ZHX3: variants seen among roughly 807,000 people sequenced by gnomAD.
ZHX3 encodes zinc fingers and homeoboxes 3.
A neutral mutation model predicts 64.5 loss-of-function variants in ZHX3; 20 were observed. That is an observed-to-expected ratio of 0.31 (90% CI 0.22 to 0.45). The LOEUF (loss-of-function observed/expected upper bound fraction) is 0.45, where lower values mean the gene tolerates loss of function less well. Among genes scored for constraint, ZHX3 ranks in the 20% least tolerant of loss-of-function variants. The pLI is 1.00. For synonymous variants in ZHX3, 423 were observed against 461.6 expected, an observed-to-expected ratio of 0.92 and a Z score of 1.07; for missense variants, 1,041 against 1,195.8, an observed-to-expected ratio of 0.87 and a Z score of 1.91.
chr20:41,206,895 G>A (rs1007029900), intron 2 of ZHX3, among the ~76,000 whole-genome samples: 2 of 152,328 alleles, frequency 1.3e-5, no homozygotes, highest in South Asian at 4.1e-4. Context: ...AGGGCAGCCA[G>A]AGAGAAAGGT....
intron 1 of ZHX3, among the ~76,000 whole-genome samples, chr20:41,292,013 TAAAAAAA>T (rs61168786): frequency 6.3e-5 from 6 of 94,722 alleles, no homozygotes; most frequent in Non-Finnish European, 8.0e-5. Flanking sequence ...ACCTCATCTT[TAAAAAAA>T]AAAAAAAAAA....
intron 1 of ZHX3, among the ~76,000 whole-genome samples, chr20:41,309,615 T>A (rs977445385): frequency 6.6e-6 from 1 of 152,204 alleles, no homozygotes; most frequent in African/African-American, 2.4e-5. Context: ...TGGCAACCAA[T>A]AAACCTTCCA....
chr20:41,250,126 T>C (rs1286820586), intron 2 of ZHX3, among the ~76,000 whole-genome samples: 1 of 152,076 alleles, frequency 6.6e-6, no homozygotes, highest in East Asian at 1.9e-4. Context: ...TCTACCTAGA[T>C]ATCAGGCAGC....
intron 2 of ZHX3, among the ~76,000 whole-genome samples, chr20:41,266,538 C>T (rs1164401632): frequency 7.0e-6 from 1 of 143,366 alleles, no homozygotes; most frequent in African/African-American, 2.7e-5. Context: ...TGTTAATCTC[C>T]CAATCTTTCT....
chr20:41,283,795 G>GTTTGACTCAC (rs2043808140), intron 1 of ZHX3, among the ~76,000 whole-genome samples: 1 of 151,948 alleles, frequency 6.6e-6, no homozygotes, highest in African/African-American at 2.4e-5. Context: ...GTCACTGTGA[G>GTTTGACTCAC]TCAAAGACAA....
At chr20:41,303,148 A>G (rs895363611) in intron 1 of ZHX3, among the ~76,000 whole-genome samples, 1 of 152,266 alleles carries the variant, frequency 6.6e-6, no homozygotes, top group Non-Finnish European at 1.5e-5. Context: ...TATGTCCAAG[A>G]TCCCATAGCT....
At chr20:41,273,103 T>C (rs2043222876) in intron 1 of ZHX3, among the ~76,000 whole-genome samples, 1 of 152,230 alleles carries the variant, frequency 6.6e-6, no homozygotes, top group African/African-American at 2.4e-5. Context: ...TATATCATTG[T>C]GGCTTTGATT....
At chr20:41,231,135 G>A (rs1007797731) in intron 2 of ZHX3, among the ~76,000 whole-genome samples, 1 of 152,034 alleles carries the variant, frequency 6.6e-6, no homozygotes, top group Non-Finnish European at 1.5e-5. Context: ...AGCCTTTTTG[G>A]ATTGGCTTCT....
chr20:41,315,147 C>T (rs943631932), intron 1 of ZHX3, among the ~76,000 whole-genome samples: 6 of 152,016 alleles, frequency 3.9e-5, no homozygotes, highest in Non-Finnish European at 7.4e-5. Flanking sequence ...GAGTTCTAGG[C>T]GGAGGGAACA....
Position 41,204,866 on chromosome 20 carries a change from A to G in ZHX3, c.51T>C (p.Thr17=). The change falls in exon 3 of 4, where the codon ACT becomes ACC. Residue 17 remains threonine, a synonymous_variant. Transcript: ENST00000683867. This position sits in a 1 kb window ranked among gnomAD's most constrained non-coding sequence, Gnocchi z 6.6. The part of the protein sequence containing the change: ...STTPCMIPVK[T]VVLQDASMEA... Reference sequence around the variant, plus strand: ...CCATGCTGGCATCTTGCAACACCACAGTCTTCACTGGGATCATGCATGGTG... The same window carrying G: ...CCATGCTGGCATCTTGCAACACCACGGTCTTCACTGGGATCATGCATGGTG... 4 of 1,576,834 alleles carry G rather than the reference A, an allele frequency of 2.5e-6. No homozygotes were observed. Among genetic ancestry groups the G allele is most frequent in the Non-Finnish European group, 3.4e-6 (4 of 1,161,894 alleles).
At position 41,203,476 on chromosome 20, in the gene ZHX3, T is replaced by A. The variant is rs1217558438; in HGVS notation, c.1441A>T (p.Thr481Ser). 1 of 1,614,040 alleles carries A rather than the reference T, an allele frequency of 6.2e-7. No homozygotes were observed. The highest frequency in any genetic ancestry group is 1.3e-5 in the African/African-American group (1 of 74,920). The stretch of plus-strand genomic sequence containing the variant: ...TGGGAGGTTATGCTGGGGCAGGCCG[T>A]GAGGAGCGACTGGGCCGCATTGACC... ...KVVNAAQSLL[T>S]ACPSITSQAF... Residue 481 changes from threonine (T) to serine (S), a missense_variant, in exon 3 of 4, where the codon ACG becomes TCG. By Grantham distance (58) the Thr-to-Ser change is moderately conservative (BLOSUM62 1). Around this residue, in one of 4 missense-constraint regions of ZHX3, gnomAD observed 649 missense variants for 739.8 expected, o/e 0.88. Transcript: ENST00000683867. This position sits in a 1 kb window ranked among gnomAD's most constrained non-coding sequence, Gnocchi z 7.1.
At chr20:41,250,060 C>G (rs1379132940) in intron 2 of ZHX3, among the ~76,000 whole-genome samples, 1 of 152,072 alleles carries the variant, frequency 6.6e-6, no homozygotes, top group Non-Finnish European at 1.5e-5. Context: ...CTTTTCCCCC[C>G]AACTACAGGG....
At chr20:41,307,339 G>A (rs2045009990) in intron 1 of ZHX3, among the ~76,000 whole-genome samples, 1 of 152,142 alleles carries the variant, frequency 6.6e-6, no homozygotes. Flanking sequence ...CTGTTAACCT[G>A]GCAGACTATT....
chr20:41,219,945 G>T lies in ZHX3; in HGVS notation c.-150-14879C>A, dbSNP rs1033180836. ...CTAAAAGAAGAACAATAGCTGACCT[G>T]CCATGTACATGCAGTATGAACAAGA... On this transcript the variant is annotated intron_variant, in intron 2 of 3. Coordinates refer to ENST00000683867, the MANE Select transcript of ZHX3 (RefSeq NM_001384317.1). This position sits in a 1 kb window ranked among gnomAD's most constrained non-coding sequence, Gnocchi z 5.0. 2.6e-5 allele frequency among the ~76,000 whole-genome samples: 4 copies of T among 152,232 alleles called. No homozygotes were observed. Among genetic ancestry groups the T allele is most frequent in the African/African-American group, 9.6e-5 (4 of 41,466 alleles).
At position 41,257,927 on chromosome 20, in the gene ZHX3, C is replaced by T. The variant is rs1160412418; in HGVS notation, c.-151+11063G>A. 1.2e-4 allele frequency among the ~76,000 whole-genome samples: 15 copies of T among 126,528 alleles called. 2 individuals are homozygous for T. Among genetic ancestry groups the T allele is most frequent in the Admixed American group, 5.7e-4 (7 of 12,374 alleles). 83.0% of individuals were successfully genotyped at this position (126,528 alleles called of 152,430 possible). ...CGCCCAACCCTTTTTTTTTTTGAGACGGAGTTTTGCTCTTGTCAGCCAGGC... is the reference window on the plus strand; with the variant it reads ...CGCCCAACCCTTTTTTTTTTTGAGATGGAGTTTTGCTCTTGTCAGCCAGGC... On this transcript the variant is annotated intron_variant, in intron 2 of 3. Transcript: ENST00000683867.
At chr20:41,231,760 G>T (rs528041341) in intron 2 of ZHX3, among the ~76,000 whole-genome samples, 3 of 152,202 alleles carry the variant, frequency 2.0e-5, no homozygotes, top group South Asian at 4.1e-4. Flanking sequence ...TATTCACTTA[G>T]AATCAAATAG....
chr20:41,241,016 T>C (rs1025946016), intron 2 of ZHX3, among the ~76,000 whole-genome samples: 3 of 152,204 alleles, frequency 2.0e-5, no homozygotes. Context: ...ATTTCCTTTT[T>C]GGGGGTATAT....
At chr20:41,221,253 T>C (rs976385442) in intron 2 of ZHX3, among the ~76,000 whole-genome samples, 3 of 152,238 alleles carry the variant, frequency 2.0e-5, no homozygotes, top group Non-Finnish European at 4.4e-5. Context: ...ACTCATGTCA[T>C]ATTTAATCTT....
In ZHX3 at chr20:41,204,134, C is replaced by A; in HGVS notation, c.783G>T (p.Val261=). The A allele has an allele frequency of 2.5e-6, 4 of 1,606,362 alleles. No homozygotes were observed. The highest frequency in any genetic ancestry group is 2.6e-6 in the Non-Finnish European group (3 of 1,176,138). Residue 261 remains valine (V), a synonymous_variant, in exon 3 of 4, where the codon GTG becomes GTT. Coordinates refer to ENST00000683867, the MANE Select transcript of ZHX3 (RefSeq NM_001384317.1). This position sits in a 1 kb window ranked among gnomAD's most constrained non-coding sequence, Gnocchi z 6.6. ...GTGCTATGCCAGCTGGCAAAACTGG[C>A]ACTGTTCCTATCAGGGGCCCGTTGG... ...HAANGPLIGT[V]PVLPAGIAQF...
Sources: gnomAD v4.1 joint callset for allele counts (sites outside exome capture counted in the v4.1 genomes callset) on GRCh38, gnomAD v4.1.1 for gene constraint, gnomAD v4.1.1 regional missense constraint, Gnocchi (gnomAD v3.1) non-coding constraint, MANE v1.5 for transcripts, NCBI Gene and HGNC (gene_info 2026-07-23, HGNC 2026-07-21) for gene names.